CSGALNACT1: variants seen among roughly 807,000 people sequenced by gnomAD.
CSGALNACT1 encodes the protein chondroitin sulfate N-acetylgalactosaminyltransferase 1, also known as beta4GalNAcT-1.
In CSGALNACT1, 52 loss-of-function variants were observed where a neutral mutation model predicts 51.0. That is an observed-to-expected ratio of 1.02 (90% CI 0.82 to 1.29). CSGALNACT1 has a LOEUF of 1.29. Among genes scored for constraint, CSGALNACT1 ranks in the 50% most tolerant of loss-of-function variants. The probability of loss-of-function intolerance (pLI) is 0.00; values close to 1 mark genes in which losing one functional copy is unlikely to be tolerated. For synonymous variants in CSGALNACT1, 341 were observed against 254.4 expected (o/e 1.34, Z -3.24); for missense variants, 935 against 679.2 (o/e 1.38, Z -4.19).
intron 1 of CSGALNACT1, chr8:19,688,957 T>C (rs549748259): frequency 1.3e-5 from 2 of 152,392 alleles, no homozygotes; most frequent in African/African-American, 2.4e-5. Context: ...CACGTAATTA[T>C]GGATAACAGT....
At chr8:19,650,008 T>A (rs2154183198) in intron 1 of CSGALNACT1, among the ~76,000 whole-genome samples, 1 of 152,044 alleles carries the variant, frequency 6.6e-6, no homozygotes, top group Admixed American at 6.6e-5. Context: ...TTTCAGTATG[T>A]TTTTCTGAAA....
rs60464594 is a variant in CSGALNACT1 at position 19,716,612 on chromosome 8, C to CAAAAAAAAAAAA, written c.-297+41226_-297+41237dup. On this transcript the variant is annotated intron_variant, in intron 1 of 1. Coordinates refer to the CSGALNACT1 transcript ENST00000517494. ...GGCCAACATGGTAAAACCCTCTCTA[C>CAAAAAAAAAAAA]AAAAAAAAAAAAAAAAAAAAAAAAA... 7.1e-5 allele frequency among the ~76,000 whole-genome samples: 3 copies of CAAAAAAAAAAAA among 41,992 alleles called. 1 individual carries two copies. The highest frequency in any genetic ancestry group is 9.1e-5 in the African/African-American group (1 of 11,032). The allele number at this position is 41,992 out of a possible 152,430, so 27.5% of individuals were successfully genotyped here. A position where few individuals can be genotyped will look rare whatever the true frequency, so the allele number is the denominator to read the frequency against.
intron 4 of CSGALNACT1, among the ~76,000 whole-genome samples, chr8:19,502,016 A>G (rs1054646372): frequency 3.3e-5 from 5 of 152,370 alleles, no homozygotes; most frequent in Admixed American, 3.3e-4. Context: ...TGTTTTGAGG[A>G]TAGATAATAA....
upstream of CSGALNACT1, among the ~76,000 whole-genome samples, chr8:19,685,318 G>T (rs1013929854): frequency 7.9e-5 from 12 of 152,138 alleles, no homozygotes; most frequent in Non-Finnish European, 1.6e-4. Flanking sequence ...AGACCAGTCT[G>T]GGCAACATGG....
chr8:19,750,901 C>T (rs1169533601), intron 1 of CSGALNACT1, among the ~76,000 whole-genome samples: 1 of 152,108 alleles, frequency 6.6e-6, no homozygotes, highest in African/African-American at 2.4e-5. Context: ...CTGCCAAACA[C>T]CTTGATCGGA....
At chr8:19,609,721 G>T (rs976525741) in intron 1 of CSGALNACT1, among the ~76,000 whole-genome samples, 1 of 152,102 alleles carries the variant, frequency 6.6e-6, no homozygotes, top group African/African-American at 2.4e-5. Context: ...ACGGGCACAT[G>T]AAACCTTTTC....
rs79063198 is a variant in CSGALNACT1, at chr8:19,560,439, G to C, written c.-297+30721C>G. 7.6e-4 allele frequency among the ~76,000 whole-genome samples: 115 copies of C among 152,238 alleles called. 1 individual carries two copies. The highest frequency in any genetic ancestry group is 1.4e-3 in the Non-Finnish European group (98 of 68,014). On this transcript the variant is annotated intron_variant, in intron 3 of 9. Coordinates refer to ENST00000454498, the Ensembl canonical transcript of CSGALNACT1. ...TCTGTTTATTAAGAACCACCATAAA[G>C]AGAGTTAAAAGACATGCCACAGAGT...
chr8:19,686,499 A>C (rs573234588), upstream of CSGALNACT1, among the ~76,000 whole-genome samples: 1 of 152,264 alleles, frequency 6.6e-6, no homozygotes, highest in East Asian at 1.9e-4. Flanking sequence ...AAATGCACCC[A>C]GCTGGCTGTC....
At chr8:19,735,097 C>G (rs777168140) in intron 1 of CSGALNACT1, among the ~76,000 whole-genome samples, 10 of 152,108 alleles carry the variant, frequency 6.6e-5, no homozygotes, top group Non-Finnish European at 8.8e-5. Flanking sequence ...ATGCACAGAA[C>G]TGAGAACCCC....
chr8:19,701,152 C>CCTTTTTTT (rs1230956394), intron 1 of CSGALNACT1, among the ~76,000 whole-genome samples: 1 of 54,318 alleles, frequency 1.8e-5, no homozygotes. Context: ...ATCTATTATC[C>CCTTTTTTT]GTTTTTTTTT....
chr8:19,494,788 C>T (rs1371494766), intron 4 of CSGALNACT1, among the ~76,000 whole-genome samples: 5 of 151,004 alleles, frequency 3.3e-5, no homozygotes, highest in Non-Finnish European at 7.4e-5. Flanking sequence ...CTGACAGCTG[C>T]ATTTTCCATA....
chr8:19,484,402 T>G (rs150143633), intron 4 of CSGALNACT1, among the ~76,000 whole-genome samples: 3,704 of 152,206 alleles, frequency 0.024, 78 homozygotes, highest in Non-Finnish European at 0.036. Flanking sequence ...AGGATAAGGG[T>G]AGACTACAGT....
Position 19,475,752 on chromosome 8 carries a change from T to C in CSGALNACT1, c.635-17110A>G, listed in dbSNP as rs544351969. 7.9e-5 allele frequency among the ~76,000 whole-genome samples: 12 copies of C among 152,340 alleles called. No individual in the cohort carries two copies. In the South Asian group the frequency reaches 2.5e-3, roughly 32 times the overall value. On this transcript the variant is annotated intron_variant, in intron 4 of 9. Transcript: ENST00000454498. ...ATAATCTGCTCAGAACGCCAAACTA[T>C]GTTTTGGTCACGCTAAACTCCTGTG...
At chr8:19,744,662 T>C (rs891974473) in intron 1 of CSGALNACT1, among the ~76,000 whole-genome samples, 1 of 152,182 alleles carries the variant, frequency 6.6e-6, no homozygotes, top group Non-Finnish European at 1.5e-5. Context: ...CTGAAAATTA[T>C]AATAAAAGAG....
At chr8:19,756,873 C>A (rs2065420397) in intron 1 of CSGALNACT1, among the ~76,000 whole-genome samples, 1 of 152,102 alleles carries the variant, frequency 6.6e-6, no homozygotes, top group Non-Finnish European at 1.5e-5. Flanking sequence ...GAAGCCAAAC[C>A]GACCCCGGGA....
chr8:19,694,695 C>T (rs1344991027), intron 1 of CSGALNACT1, among the ~76,000 whole-genome samples: 1 of 152,228 alleles, frequency 6.6e-6, no homozygotes, highest in East Asian at 1.9e-4. Context: ...TAGAATTGAT[C>T]AACTACCTTA....
At chr8:19,612,927 A>G (rs998267649) in intron 1 of CSGALNACT1, among the ~76,000 whole-genome samples, 3 of 144,246 alleles carry the variant, frequency 2.1e-5, no homozygotes, top group Admixed American at 6.9e-5. Context: ...ATCACAAAAG[A>G]AGAGAGGAAA....
intron 3 of CSGALNACT1, among the ~76,000 whole-genome samples, chr8:19,574,665 C>T (rs2043759649): frequency 6.6e-6 from 1 of 152,146 alleles, no homozygotes; most frequent in Non-Finnish European, 1.5e-5. Flanking sequence ...CACCATGGAA[C>T]TGTGCTTCAA....
At chr8:19,636,354 G>T (rs2056064559) in intron 1 of CSGALNACT1, among the ~76,000 whole-genome samples, 1 of 152,120 alleles carries the variant, frequency 6.6e-6, no homozygotes, top group African/African-American at 2.4e-5. Context: ...ATATATTAGG[G>T]TTTGGGACTA....
Sources: gnomAD v4.1 joint callset for allele counts (sites outside exome capture counted in the v4.1 genomes callset) on GRCh38, gnomAD v4.1.1 for gene constraint, MANE v1.5 for transcripts, NCBI Gene and HGNC (gene_info 2026-07-23, HGNC 2026-07-21) for gene names.